Variants in RBFOX1 observed in about 807,000 individuals in gnomAD.
RBFOX1 encodes the protein RNA binding fox-1 homolog 1, also known as RNA binding protein fox-1 homolog 1.
Under a neutral mutation model 57.7 loss-of-function variants are expected in RBFOX1, and 8 were observed. That is an observed-to-expected ratio of 0.14 (90% CI 0.08 to 0.25). The LOEUF (loss-of-function observed/expected upper bound fraction) is 0.25. RBFOX1 is among the 10% of genes least tolerant of loss of function. RBFOX1 has a pLI of 1.00. For synonymous variants in RBFOX1, 326 were observed against 222.4 expected, an observed-to-expected ratio of 1.47 and a Z score of -4.15; for missense variants, 611 against 548.5, an observed-to-expected ratio of 1.11 and a Z score of -1.14.
intron 3 of RBFOX1, among the ~76,000 whole-genome samples, chr16:5,749,842 G>T (rs550531865): frequency 6.6e-6 from 1 of 152,006 alleles, no homozygotes; most frequent in African/African-American, 2.4e-5. Flanking sequence ...AAGTTTGATC[G>T]TCTGAAGCCT....
intron 3 of RBFOX1, among the ~76,000 whole-genome samples, chr16:6,960,961 C>G (rs1355763701): frequency 2.3e-5 from 3 of 128,962 alleles, no homozygotes; most frequent in African/African-American, 6.0e-5. Flanking sequence ...AACTCCATCT[C>G]TACTGAAAAT....
intron 2 of RBFOX1, among the ~76,000 whole-genome samples, chr16:6,439,339 C>G (rs578184037): frequency 1.3e-5 from 2 of 152,332 alleles, no homozygotes; most frequent in African/African-American, 4.8e-5. Flanking sequence ...GACGGCCAAC[C>G]TCTCCTTTCC....
chr16:5,791,823 A>G (rs2054708649), intron 3 of RBFOX1, among the ~76,000 whole-genome samples: 1 of 152,220 alleles, frequency 6.6e-6, no homozygotes, highest in Non-Finnish European at 1.5e-5. Flanking sequence ...GTTTCCACTT[A>G]AGGCCACTTT....
intron 3 of RBFOX1, among the ~76,000 whole-genome samples, chr16:6,943,423 T>C (rs921035770): frequency 1.5e-4 from 23 of 152,152 alleles, no homozygotes; most frequent in African/African-American, 5.5e-4. Context: ...AGTATGGGCC[T>C]GTGGGCCGGG....
chr16:7,338,689 C>A (rs1278720431), intron 4 of RBFOX1, among the ~76,000 whole-genome samples: 2 of 152,164 alleles, frequency 1.3e-5, no homozygotes, highest in African/African-American at 4.8e-5. Context: ...CATCTACATA[C>A]CTATATGTAG....
intron 4 of RBFOX1, among the ~76,000 whole-genome samples, chr16:7,150,460 C>T (rs946066575): frequency 3.3e-5 from 5 of 152,164 alleles, no homozygotes; most frequent in African/African-American, 9.7e-5. Flanking sequence ...ATGTCAGCCA[C>T]AACTTCCACC....
intron 3 of RBFOX1, among the ~76,000 whole-genome samples, chr16:5,731,630 G>A (rs187059543): frequency 3.9e-5 from 6 of 152,264 alleles, no homozygotes; most frequent in African/African-American, 1.4e-4. Context: ...TCTCTTAGAG[G>A]CAAGGTGATA....
rs903384936 is a variant in RBFOX1 at position 6,231,840 on chromosome 16, T to G, written c.-126-85155T>G. On this transcript the variant is annotated intron_variant, in intron 1 of 15. Coordinates refer to ENST00000550418, the MANE Select transcript of RBFOX1 (RefSeq NM_018723.4). ...ATTCTGTAGCTTTCCAGTTTTTTTTTTTTTTTTTTTTTGTCCTGGTATTTT... is the reference window on the plus strand; with the variant it reads ...ATTCTGTAGCTTTCCAGTTTTTTTTGTTTTTTTTTTTTGTCCTGGTATTTT... 4.5e-4 allele frequency among the ~76,000 whole-genome samples: 68 copies of G among 150,890 alleles called. 1 individual carries two copies. The East Asian group carries it at 6.4e-3, about 14-fold the overall frequency.
At chr16:7,078,462 C>G (rs897344631) in intron 4 of RBFOX1, among the ~76,000 whole-genome samples, 27 of 152,094 alleles carry the variant, frequency 1.8e-4, no homozygotes, top group Admixed American at 1.4e-3. Flanking sequence ...GTTCTCCTAC[C>G]TCAGTCTCCC....
At chr16:7,630,198 T>G (rs1568181420) in intron 10 of RBFOX1, among the ~76,000 whole-genome samples, 1 of 152,134 alleles carries the variant, frequency 6.6e-6, no homozygotes, top group Non-Finnish European at 1.5e-5. Flanking sequence ...ATGGAAACAC[T>G]GAGGCACAGA....
chr16:7,635,898 C>A (rs1294723985), intron 11 of RBFOX1, among the ~76,000 whole-genome samples: 1 of 152,188 alleles, frequency 6.6e-6, no homozygotes, highest in African/African-American at 2.4e-5. Context: ...GCAAACTCCA[C>A]CTCCTGGGTT....
At chr16:7,592,900 C>T (rs914603392) in intron 7 of RBFOX1, among the ~76,000 whole-genome samples, 3 of 152,002 alleles carry the variant, frequency 2.0e-5, no homozygotes, top group Non-Finnish European at 4.4e-5. Context: ...TAGCCTCAAC[C>T]TCCTGGGCTC....
chr16:7,701,884 T>C (rs931655670), intron 14 of RBFOX1, among the ~76,000 whole-genome samples: 3 of 152,114 alleles, frequency 2.0e-5, no homozygotes, highest in African/African-American at 7.2e-5. Flanking sequence ...TACATCCAAG[T>C]AGTTATGTTA....
intron 2 of RBFOX1, among the ~76,000 whole-genome samples, chr16:5,540,762 G>C (rs1316748956): frequency 6.6e-6 from 1 of 152,206 alleles, no homozygotes; most frequent in Admixed American, 6.5e-5. Flanking sequence ...TGGACTAGCA[G>C]CGTCAGAATC....
chr16:7,193,694 G>C (rs960615546), intron 4 of RBFOX1, among the ~76,000 whole-genome samples: 6 of 152,190 alleles, frequency 3.9e-5, no homozygotes, highest in African/African-American at 1.2e-4. Context: ...GCTGGTATGT[G>C]ACAAAGCAGA....
intron 4 of RBFOX1, among the ~76,000 whole-genome samples, chr16:7,129,957 C>T (rs1259084290): frequency 6.6e-6 from 1 of 151,940 alleles, no homozygotes; most frequent in African/African-American, 2.4e-5. Flanking sequence ...ATCTCATTTG[C>T]CAGCAATACC....
intron 4 of RBFOX1, among the ~76,000 whole-genome samples, chr16:7,267,700 CA>C (rs1161232427): frequency 4.0e-4 from 60 of 151,850 alleles, no homozygotes; most frequent in African/African-American, 1.2e-3. Context: ...ACTAAAAATA[CA>C]AAAAATTAAC....
At chr16:6,604,746 T>C (rs1055026043) in intron 2 of RBFOX1, among the ~76,000 whole-genome samples, 92 of 152,322 alleles carry the variant, frequency 6.0e-4, no homozygotes, top group East Asian at 1.4e-3. Flanking sequence ...TACAATTCAA[T>C]AGGAATATAT....
intron 4 of RBFOX1, among the ~76,000 whole-genome samples, chr16:7,067,902 A>G (rs1315387449): frequency 1.4e-5 from 2 of 146,906 alleles, no homozygotes; most frequent in East Asian, 2.0e-4. Flanking sequence ...TCCATGGTGT[A>G]TTTTACTGGG....
Sources: gnomAD v4.1 joint callset for allele counts (sites outside exome capture counted in the v4.1 genomes callset) on GRCh38, gnomAD v4.1.1 for gene constraint, MANE v1.5 for transcripts, NCBI Gene and HGNC (gene_info 2026-07-23, HGNC 2026-07-21) for gene names.